The following WWP1 variants were observed in gnomAD, a reference collection of about 807,000 sequenced individuals.
WWP1 encodes NEDD4-like E3 ubiquitin-protein ligase WWP1.
Under a neutral mutation model 130.6 loss-of-function variants are expected in WWP1, and 49 were observed. The observed-to-expected ratio is 0.38, with a 90% CI of 0.30 to 0.48. The LOEUF (loss-of-function observed/expected upper bound fraction) is 0.48. Ranked by LOEUF, WWP1 falls within the 20% of genes least tolerant of loss-of-function variation. The probability of loss-of-function intolerance (pLI) is 0.99; values close to 1 mark genes in which losing one functional copy is unlikely to be tolerated. For missense variants in WWP1, 809 were observed against 1,100.6 expected (o/e 0.74, Z 3.75); for synonymous variants, 332 against 367.8 (o/e 0.90, Z 1.11).
Position 86,380,732 on chromosome 8 carries a change from G to C in WWP1, c.77G>C (p.Ser26Thr), listed in dbSNP as rs776053128. 39 of 1,609,362 alleles carry C rather than the reference G, an allele frequency of 2.4e-5. No homozygotes were observed. The highest frequency in any genetic ancestry group is 2.9e-5 in the Non-Finnish European group (34 of 1,178,528). The change falls in exon 4 of 25, where the codon AGT (serine) becomes ACT (threonine). Residue 26 changes from serine to threonine, a missense_variant. By Grantham distance (58) the Ser-to-Thr change is moderately conservative. This residue lies in a region of WWP1 where 262 missense variants were observed against 346.0 expected (regional missense o/e 0.76). Transcript: ENST00000517970. ...GRLQLQVTVS[S>T]AKLKRKKNWF... The stretch of plus-strand genomic sequence containing the variant: ...TGAATTATTTGTCTGTTAGTTTCTA[G>C]TGCCAAACTTAAAAGAAAAAAGAAC...
rs1812282253 is a variant in WWP1 at position 86,468,369 on chromosome 8, T to C, written c.*1476T>C. 2.2e-6 allele frequency: 1 copy of C among 453,924 alleles called. No homozygotes were observed. Among genetic ancestry groups the C allele is most frequent in the Non-Finnish European group, 4.4e-6 (1 of 226,488 alleles). The allele number at this position is 453,924 out of a possible 1,614,324, so 28.1% of individuals were successfully genotyped here. A position where few individuals can be genotyped will look rare whatever the true frequency, so the allele number is the denominator to read the frequency against. On this transcript the variant is annotated 3_prime_UTR_variant, in exon 25 of 25. Transcript: ENST00000517970. ...GAAAGAAAGGCAGAGATCTGCTTGG[T>C]TGAATAGACTCCTTTTCCAAATCCT... is the stretch of plus-strand genomic sequence containing the variant.
At position 86,342,929 on chromosome 8, in the gene WWP1, G is replaced by C. The variant is rs1382937603; in HGVS notation, c.-116G>C. 1 of 347,574 alleles carries C rather than the reference G, an allele frequency of 2.9e-6. No individual in the cohort carries two copies. The highest frequency in any genetic ancestry group is 5.2e-6 in the Non-Finnish European group (1 of 193,034). 21.5% of individuals were successfully genotyped at this position (347,574 alleles called of 1,614,324 possible). ...TGCCGGGAGCCGACAGCTTCGCGCC[G>C]GGTAAGGACGGCGCGGCGCGGGGCT... On this transcript the variant is annotated splice_region_variant and 5_prime_UTR_variant, in exon 1 of 25. Transcript: ENST00000517970.
At chr8:86,457,188 A>G (rs1365015476) in intron 21 of WWP1, among the ~76,000 whole-genome samples, 1 of 151,996 alleles carries the variant, frequency 6.6e-6, no homozygotes, top group Non-Finnish European at 1.5e-5. Flanking sequence ...TACATATTTT[A>G]CTATACCTAA....
rs775853681 is a variant in WWP1, at chr8:86,374,880, A to T, written c.70+760A>T. On this transcript the variant is annotated intron_variant, in intron 3 of 24. Coordinates refer to ENST00000517970, the MANE Select transcript of WWP1 (RefSeq NM_007013.4). ...GTTCAACACCTTGCCTGGCTAATTT[A>T]AAAAAAAATTTTTTTAGAGACAGGG... is the stretch of plus-strand genomic sequence containing the variant. 1.1e-3 allele frequency among the ~76,000 whole-genome samples: 162 copies of T among 151,802 alleles called. 1 individual carries two copies. Among genetic ancestry groups the T allele is most frequent in the South Asian group, 2.5e-3 (12 of 4,794 alleles).
At chr8:86,400,344 A>G (rs770103456) in intron 7 of WWP1, among the ~76,000 whole-genome samples, 15 of 152,208 alleles carry the variant, frequency 9.9e-5, no homozygotes, top group African/African-American at 2.6e-4. Flanking sequence ...GGGGGAAAAA[A>G]ATAAATAAAT....
intron 24 of WWP1, among the ~76,000 whole-genome samples, chr8:86,463,247 C>A (rs751182631): frequency 1.3e-5 from 2 of 152,234 alleles, no homozygotes; most frequent in Non-Finnish European, 2.9e-5. Flanking sequence ...GTGATAATTA[C>A]CACCATGAGC....
At chr8:86,402,336 A>G (rs1808037422) in intron 8 of WWP1, 133 bp downstream of exon 8, 3 of 1,166,772 alleles carry the variant, frequency 2.6e-6, no homozygotes, top group Non-Finnish European at 3.5e-6. Context: ...CCCAGGCTGG[A>G]GTGCAGTGGT....
intron 1 of WWP1, among the ~76,000 whole-genome samples, chr8:86,363,034 A>G (rs547216575): frequency 7.7e-4 from 118 of 152,348 alleles, no homozygotes; most frequent in African/African-American, 2.8e-3. Flanking sequence ...AAGTGCTTAT[A>G]TAATCTTACC....
rs1296488034 is a variant in WWP1 at position 86,425,259 on chromosome 8, T to C, written c.1098T>C (p.Tyr366=). 2 of 1,613,144 alleles carry C rather than the reference T, an allele frequency of 1.2e-6. No individual in the cohort carries two copies. The highest frequency in any genetic ancestry group is 1.3e-5 in the African/African-American group (1 of 74,910). ...GAAAAGATCCTCATGGTAGAACCTATTATGTGGATCATAATACTCGAACTA... is the reference window on the plus strand; with the variant it reads ...GAAAAGATCCTCATGGTAGAACCTACTATGTGGATCATAATACTCGAACTA... The part of the protein sequence containing the change: ...EQRKDPHGRT[Y]YVDHNTRTTT... Residue 366 remains tyrosine, a synonymous_variant, in exon 10 of 25, where the codon TAT becomes TAC. Transcript: ENST00000517970.
At chr8:86,402,281 C>A in intron 8 of WWP1, 78 bp downstream of exon 8, 1 of 1,469,580 alleles carries the variant, frequency 6.8e-7, no homozygotes, top group Non-Finnish European at 9.1e-7. Context: ...CCTACACTTC[C>A]CTTTTTGTGT....
chr8:86,414,254 T>C (rs2130582203), intron 9 of WWP1, among the ~76,000 whole-genome samples: 1 of 152,276 alleles, frequency 6.6e-6, no homozygotes. Flanking sequence ...TGTGTATGTG[T>C]GTGTATGTAA....
At chr8:86,383,328 T>C (rs1031443171) in intron 5 of WWP1, among the ~76,000 whole-genome samples, 18 of 152,254 alleles carry the variant, frequency 1.2e-4, no homozygotes, top group Admixed American at 7.2e-4. Context: ...AATTCTGTTA[T>C]GTTAGACTCT....
intron 2 of WWP1, among the ~76,000 whole-genome samples, chr8:86,372,645 A>G (rs1824391729): frequency 6.6e-6 from 1 of 152,054 alleles, no homozygotes; most frequent in African/African-American, 2.4e-5. Context: ...TTTTTTTTCC[A>G]TATGGATAAT....
intron 14 of WWP1, among the ~76,000 whole-genome samples, chr8:86,432,168 G>A (rs976310650): frequency 6.6e-6 from 1 of 152,148 alleles, no homozygotes; most frequent in African/African-American, 2.4e-5. Flanking sequence ...TCACACTGCT[G>A]CAATGAGATG....
At chr8:86,403,853 A>G (rs1808136343) in intron 8 of WWP1, among the ~76,000 whole-genome samples, 1 of 152,146 alleles carries the variant, frequency 6.6e-6, no homozygotes, top group Non-Finnish European at 1.5e-5. Context: ...AATAGATACA[A>G]TTATGGTGAA....
intron 9 of WWP1, 36 bp from the exon 10 acceptor site, chr8:86,425,184 GTGT>G: frequency 1.3e-6 from 2 of 1,530,178 alleles, no homozygotes; most frequent in Non-Finnish European, 1.8e-6. Flanking sequence ...TTGTCCTAGT[GTGT>G]TGTCTCTTAC....
chr8:86,424,697 C>G (rs556443018), intron 9 of WWP1, among the ~76,000 whole-genome samples: 2 of 151,452 alleles, frequency 1.3e-5, no homozygotes, highest in South Asian at 2.1e-4. Context: ...CGCAGGCACT[C>G]GGCAGGCTGA....
At chr8:86,434,561 CTT>C (rs1273144920) in intron 14 of WWP1, among the ~76,000 whole-genome samples, 3 of 152,162 alleles carry the variant, frequency 2.0e-5, no homozygotes, top group Admixed American at 2.0e-4. Flanking sequence ...ACTCCTTATA[CTT>C]TGTCCTTTTA....
At chr8:86,350,888 G>A (rs1822882245) in intron 1 of WWP1, among the ~76,000 whole-genome samples, 1 of 152,188 alleles carries the variant, frequency 6.6e-6, no homozygotes, top group Non-Finnish European at 1.5e-5. Flanking sequence ...TAGTTAGACT[G>A]GGGAGGAGAA....
Sources: allele counts gnomAD v4.1 joint callset (sites outside exome capture counted in the v4.1 genomes callset), GRCh38; gene constraint gnomAD v4.1.1; regional missense constraint gnomAD v4.1.1; transcripts MANE v1.5; gene names NCBI Gene and HGNC (gene_info 2026-07-23, HGNC 2026-07-21).